NOCT: variants seen among roughly 807,000 people sequenced by gnomAD.
NOCT encodes CCR4 carbon catabolite repression 4-like.
In NOCT, 18 loss-of-function variants were observed where a neutral mutation model predicts 35.0. The ratio of observed to expected loss-of-function variants is 0.51; its 90% CI spans 0.36 to 0.76. The LOEUF (loss-of-function observed/expected upper bound fraction) is 0.76, where lower values mean the gene tolerates loss of function less well. NOCT is among the 30% of genes least tolerant of loss of function. The pLI, the probability that NOCT is intolerant of heterozygous loss-of-function variation, is 0.01. For missense variants in NOCT, 479 were observed against 541.0 expected, an observed-to-expected ratio of 0.89 and a Z score of 1.14; for synonymous variants, 235 against 226.3, an observed-to-expected ratio of 1.04 and a Z score of -0.34.
At chr4:139,039,391 CTTGGTG>C (rs1726794773) in intron 1 of NOCT, among the ~76,000 whole-genome samples, 1 of 151,282 alleles carries the variant, frequency 6.6e-6, no homozygotes, top group African/African-American at 2.4e-5. Context: ...TACTAGACCA[CTTGGTG>C]TTGGTCATTC....
chr4:139,017,320 C>A (rs1414391379), intron 1 of NOCT, among the ~76,000 whole-genome samples: 1 of 150,168 alleles, frequency 6.7e-6, no homozygotes, highest in Non-Finnish European at 1.5e-5. Context: ...CTCTGCCTCC[C>A]GGGTTCAAGC....
rs747185118 is a variant in NOCT, at chr4:139,043,078, T to G, written c.195T>G (p.Cys65Trp). The G allele has an allele frequency of 4.4e-6, 7 of 1,594,930 alleles. No individual in the cohort carries two copies. Among genetic ancestry groups the G allele is most frequent in the Non-Finnish European group, 6.0e-6 (7 of 1,164,426 alleles). ...GAARSCSRTV[C>W]SMGTGTSRLY... ...CTGTGATTTCCTTTTCCGTAGTGTG[T>G]TCCATGGGAACCGGTACAAGCAGAC... Residue 65 changes from cysteine (C) to tryptophan (W), a missense_variant, in exon 2 of 3, where the codon TGT becomes TGG. Transcript: ENST00000280614.
intron 1 of NOCT, among the ~76,000 whole-genome samples, chr4:139,017,303 C>T (rs1726330959): frequency 6.7e-6 from 1 of 148,476 alleles, no homozygotes; most frequent in African/African-American, 2.5e-5. Context: ...TCTCGGCTCA[C>T]CGCAACCTCT....
intron 1 of NOCT, among the ~76,000 whole-genome samples, chr4:139,032,463 TG>T (rs2148645034): frequency 6.6e-6 from 1 of 152,264 alleles, no homozygotes; most frequent in East Asian, 1.9e-4. Flanking sequence ...GAAGCCAGCC[TG>T]GGACGCTTAG....
At chr4:139,025,182 A>G (rs1048796738) in intron 1 of NOCT, among the ~76,000 whole-genome samples, 2 of 152,222 alleles carry the variant, frequency 1.3e-5, no homozygotes, top group African/African-American at 4.8e-5. Flanking sequence ...CTTTGGTTCT[A>G]TGGAGCAACC....
At chr4:139,020,121 A>G (rs1726381154) in intron 1 of NOCT, among the ~76,000 whole-genome samples, 1 of 152,208 alleles carries the variant, frequency 6.6e-6, no homozygotes, top group African/African-American at 2.4e-5. Context: ...TTAGCATTCA[A>G]TGGCAACAGT....
intron 1 of NOCT, among the ~76,000 whole-genome samples, chr4:139,038,078 T>C (rs1726766632): frequency 6.6e-6 from 1 of 152,008 alleles, no homozygotes; most frequent in African/African-American, 2.4e-5. Flanking sequence ...AACAAACCTG[T>C]AGTCCCAACT....
intron 1 of NOCT, among the ~76,000 whole-genome samples, chr4:139,019,218 G>C (rs1268661885): frequency 6.6e-6 from 1 of 152,062 alleles, no homozygotes; most frequent in Non-Finnish European, 1.5e-5. Flanking sequence ...ACTGTGCCGG[G>C]CTAATTTTTG....
At chr4:139,042,071 CT>C (rs368776726) in intron 1 of NOCT, among the ~76,000 whole-genome samples, 1,827 of 108,684 alleles carry the variant, frequency 0.017, 26 homozygotes, top group African/African-American at 0.058. Flanking sequence ...TCTTTAAGAT[CT>C]TTTTTTTTTT....
intron 1 of NOCT, among the ~76,000 whole-genome samples, chr4:139,041,992 ATT>A (rs1212978002): frequency 6.6e-6 from 1 of 150,620 alleles, no homozygotes; most frequent in Non-Finnish European, 1.5e-5. Flanking sequence ...GCAGCCTGCT[ATT>A]ACCTAATCTC....
chr4:139,044,572 A>C, intron 2 of NOCT, 67 bp from the exon 3 acceptor site: 2 of 1,010,816 alleles, frequency 2.0e-6, no homozygotes, highest in Non-Finnish European at 3.0e-6. Context: ...AGTGATGCCA[A>C]ACCTCCTGGG....
At chr4:139,021,294 C>T (rs554345132) in intron 1 of NOCT, among the ~76,000 whole-genome samples, 45 of 152,082 alleles carry the variant, frequency 3.0e-4, no homozygotes, top group African/African-American at 9.6e-4. Flanking sequence ...TGAGCCATCA[C>T]GCCCCGCCAA....
rs546346607 is a variant in NOCT at position 139,045,509 on chromosome 4, ATTTTTTTT to A, written c.*53_*60del. On this transcript the variant is annotated 3_prime_UTR_variant, in exon 3 of 3. Transcript: ENST00000280614. ...TTTGTCTTTTTAATCACAGGAGTCT[ATTTTTTTT>A]TTTTTTTTTTTTTTTTTGAGACAGA... The A allele has an allele frequency of 4.2e-3, 1,583 of 379,394 alleles. 2 individuals are homozygous for A. Among genetic ancestry groups the A allele is most frequent in the Non-Finnish European group, 5.1e-3 (1,181 of 233,342 alleles). The allele number at this position is 379,394 out of a possible 1,614,324, so 23.5% of individuals were successfully genotyped here. A position where few individuals can be genotyped will look rare whatever the true frequency, so the allele number is the denominator to read the frequency against.
In NOCT at chr4:139,024,776, G is replaced by A. The variant is rs575569602; in HGVS notation, c.190+8605G>A. 2.8e-4 allele frequency among the ~76,000 whole-genome samples: 43 copies of A among 152,218 alleles called. No homozygotes were observed. In the South Asian group the frequency reaches 2.9e-3, roughly 10 times the overall value. The stretch of plus-strand genomic sequence containing the variant: ...CTGGCCCAGTAATACAACAGTTACT[G>A]TATTTTTAGTAGAGACAGGTTTTCC... On this transcript the variant is annotated intron_variant, in intron 1 of 2. Transcript: ENST00000280614.
At chr4:139,022,457 T>TA (rs1726434562) in intron 1 of NOCT, among the ~76,000 whole-genome samples, 2 of 152,050 alleles carry the variant, frequency 1.3e-5, no homozygotes, top group Non-Finnish European at 1.5e-5. Context: ...TTCCAGTATA[T>TA]AAAAAAATGC....
At chr4:139,033,748 A>C (rs1334532385) in intron 1 of NOCT, among the ~76,000 whole-genome samples, 2 of 151,336 alleles carry the variant, frequency 1.3e-5, no homozygotes, top group Non-Finnish European at 2.9e-5. Context: ...TTGTTAACTC[A>C]GTTATTCTCT....
intron 1 of NOCT, among the ~76,000 whole-genome samples, chr4:139,037,258 G>A (rs1489098104): frequency 6.6e-6 from 1 of 152,118 alleles, no homozygotes; most frequent in Non-Finnish European, 1.5e-5. Context: ...ATCTTTCTCA[G>A]ACGTGCTCAT....
intron 1 of NOCT, among the ~76,000 whole-genome samples, chr4:139,017,531 A>G (rs996440696): frequency 6.2e-5 from 9 of 144,896 alleles, no homozygotes; most frequent in African/African-American, 2.2e-4. Flanking sequence ...CCCCCGGCCT[A>G]TAAAATTTAA....
At position 139,015,886 on chromosome 4, in the gene NOCT, C is replaced by T; in HGVS notation, c.-96C>T. On this transcript the variant is annotated 5_prime_UTR_variant, in exon 1 of 3. Coordinates refer to ENST00000280614, the MANE Select transcript of NOCT (RefSeq NM_012118.4). ...GAAGGAGCCTGGGAGCATCCGCCCA[C>T]ACTGCCCGGACAGTCGGCTCGACTC... is the stretch of plus-strand genomic sequence containing the variant. 2.0e-6 allele frequency: 2 copies of T among 1,016,092 alleles called. No homozygotes were observed. Among genetic ancestry groups the T allele is most frequent in the Non-Finnish European group, 2.5e-6 (2 of 788,344 alleles). 62.9% of individuals were successfully genotyped at this position (1,016,092 alleles called of 1,614,324 possible).
Sources: allele counts gnomAD v4.1 joint callset (sites outside exome capture counted in the v4.1 genomes callset), GRCh38; gene constraint gnomAD v4.1.1; transcripts MANE v1.5; gene names NCBI Gene and HGNC (gene_info 2026-07-23, HGNC 2026-07-21).